Variants in MARCHF11 observed in about 807,000 individuals in gnomAD.
MARCHF11 encodes the protein membrane associated ring-CH-type finger 11, also known as E3 ubiquitin-protein ligase MARCHF11.
MARCHF11 carries 29 observed loss-of-function variants against 37.3 expected under a neutral mutation model. The observed-to-expected ratio is 0.78, with a 90% CI of 0.58 to 1.06. The LOEUF (loss-of-function observed/expected upper bound fraction) is 1.06. Among genes scored for constraint, MARCHF11 ranks in the 50% least tolerant of loss-of-function variants. MARCHF11 has a pLI of 0.00. For missense variants in MARCHF11, 482 were observed against 533.4 expected (o/e 0.90, Z 0.95); for synonymous variants, 233 against 228.0 (o/e 1.02, Z -0.20).
intron 2 of MARCHF11, among the ~76,000 whole-genome samples, chr5:16,139,056 G>A (rs560829794): frequency 1.2e-4 from 18 of 152,198 alleles, no homozygotes; most frequent in Non-Finnish European, 2.6e-4. Context: ...GGGCTGTTGG[G>A]AAGGAATGAA....
chr5:16,150,175 T>C (rs3910974), intron 2 of MARCHF11, among the ~76,000 whole-genome samples: 5,417 of 149,138 alleles, frequency 0.036, 961 homozygotes, highest in African/African-American at 0.13. Context: ...GGTCATTCCT[T>C]AATGAAAAAG....
At chr5:16,121,629 GTTC>G (rs1217133692) in intron 2 of MARCHF11, among the ~76,000 whole-genome samples, 1 of 152,176 alleles carries the variant, frequency 6.6e-6, no homozygotes, top group African/African-American at 2.4e-5. Flanking sequence ...ATAAATTCAA[GTTC>G]TTCTAATTAC....
Position 16,179,541 on chromosome 5 carries a change from C to CA in MARCHF11, c.34dup (p.Cys12LeufsTer112). Reference sequence around the variant, plus strand: ...GGCGTCCCCGCTCTCCGCCCCGCGACACCGACTGCCGCCGTGGCCGCCCTC... The same window carrying CA: ...GGCGTCCCCGCTCTCCGCCCCGCGACAACCGACTGCCGCCGTGGCCGCCCTC... On this transcript the variant is annotated frameshift_variant, in exon 1 of 4. Transcript: ENST00000332432. LOFTEE classifies it high-confidence loss of function. 1 of 1,184,734 alleles carries CA rather than the reference C, an allele frequency of 8.4e-7. No individual in the cohort carries two copies. The highest frequency in any genetic ancestry group is 1.0e-6 in the Non-Finnish European group (1 of 958,014). The allele number at this position is 1,184,734 out of a possible 1,614,324, so 73.4% of individuals were successfully genotyped here. A position where few individuals can be genotyped will look rare whatever the true frequency, so the allele number is the denominator to read the frequency against.
At chr5:16,119,180 T>C (rs895880893) in intron 2 of MARCHF11, among the ~76,000 whole-genome samples, 1 of 151,898 alleles carries the variant, frequency 6.6e-6, no homozygotes, top group African/African-American at 2.4e-5. Flanking sequence ...CTGGCCAACA[T>C]GGTGAAAACC....
chr5:16,153,257 C>CTT (rs1227971567), intron 2 of MARCHF11, among the ~76,000 whole-genome samples: 3 of 151,930 alleles, frequency 2.0e-5, no homozygotes, highest in African/African-American at 7.2e-5. Context: ...AGAGAAAAGG[C>CTT]TTTCCTAGAT....
At chr5:16,159,993 CA>C (rs1738043775) in intron 2 of MARCHF11, among the ~76,000 whole-genome samples, 1 of 151,738 alleles carries the variant, frequency 6.6e-6, no homozygotes, top group Non-Finnish European at 1.5e-5. Flanking sequence ...TTGCCCTAAG[CA>C]AAATAAAATA....
chr5:16,138,636 T>G (rs1234491912), intron 2 of MARCHF11, among the ~76,000 whole-genome samples: 1 of 152,136 alleles, frequency 6.6e-6, no homozygotes, highest in African/African-American at 2.4e-5. Context: ...TTGCATCACA[T>G]GCCTAGAAAA....
rs150052523 is a variant in MARCHF11 at position 16,158,926 on chromosome 5, T to C, written c.693+18800A>G. Among the ~76,000 whole-genome samples the C allele has an allele frequency of 5.4e-3, 816 of 151,982 alleles. 9 individuals are homozygous for C. Among genetic ancestry groups the C allele is most frequent in the African/African-American group, 0.019 (797 of 41,490 alleles). On this transcript the variant is annotated intron_variant, in intron 2 of 3. Transcript: ENST00000332432. The stretch of plus-strand genomic sequence containing the variant: ...GTGTCCATCCATGTGTTCTCAACAA[T>C]GTATTGCATTCTTGAAAATTGCTGA...
At chr5:16,095,264 G>C (rs1216921982) in intron 2 of MARCHF11, among the ~76,000 whole-genome samples, 1 of 152,130 alleles carries the variant, frequency 6.6e-6, no homozygotes, top group East Asian at 1.9e-4. Flanking sequence ...AATTCCCCGG[G>C]GTTCATTCCT....
At chr5:16,139,138 C>T (rs1330788786) in intron 2 of MARCHF11, among the ~76,000 whole-genome samples, 1 of 152,158 alleles carries the variant, frequency 6.6e-6, no homozygotes, top group African/African-American at 2.4e-5. Context: ...GCTATGTCCC[C>T]ACCCAAATCT....
At chr5:16,151,528 T>A (rs973436340) in intron 2 of MARCHF11, among the ~76,000 whole-genome samples, 12 of 149,976 alleles carry the variant, frequency 8.0e-5, no homozygotes, top group Admixed American at 1.3e-4. Context: ...TCCCACACTT[T>A]CAGGCTGATC....
intron 3 of MARCHF11, among the ~76,000 whole-genome samples, chr5:16,086,424 T>C (rs532571537): frequency 8.5e-5 from 13 of 152,322 alleles, no homozygotes; most frequent in Admixed American, 3.9e-4. Context: ...GTTTGTATAT[T>C]ATGTGGACAA....
At chr5:16,166,894 TGTGTG>T (rs1218717065) in intron 2 of MARCHF11, among the ~76,000 whole-genome samples, 1 of 450 alleles carries the variant, frequency 2.2e-3, no homozygotes, top group Non-Finnish European at 0.029. Flanking sequence ...CAACAGGATG[TGTGTG>T]TGTGTGTGTG....
intron 2 of MARCHF11, among the ~76,000 whole-genome samples, chr5:16,112,313 C>T (rs559258017): frequency 6.6e-6 from 1 of 152,286 alleles, no homozygotes; most frequent in Admixed American, 6.5e-5. Flanking sequence ...CTATACCCTG[C>T]AAAGCCACAG....
chr5:16,178,652 T>C lies in MARCHF11; in HGVS notation c.537+387A>G, dbSNP rs138874914. Reference sequence around the variant, plus strand: ...CTTTCTGGTTGTGATATGACATCTGTCTCAAGATACATCTGTAGAAAACGG... The same window carrying C: ...CTTTCTGGTTGTGATATGACATCTGCCTCAAGATACATCTGTAGAAAACGG... On this transcript the variant is annotated intron_variant, in intron 1 of 3. Coordinates refer to ENST00000332432, the MANE Select transcript of MARCHF11 (RefSeq NM_001102562.3). Among the ~76,000 whole-genome samples the C allele has an allele frequency of 6.6e-5, 10 of 152,322 alleles. No homozygotes were observed. In the East Asian group the frequency reaches 1.9e-3, roughly 29 times the overall value.
chr5:16,106,326 T>C (rs985235992), intron 2 of MARCHF11, among the ~76,000 whole-genome samples: 1 of 152,182 alleles, frequency 6.6e-6, no homozygotes, highest in Non-Finnish European at 1.5e-5. Context: ...GGCAATCTGA[T>C]AGCTCTATCT....
At chr5:16,152,574 T>C (rs527482021) in intron 2 of MARCHF11, among the ~76,000 whole-genome samples, 162 of 152,060 alleles carry the variant, frequency 1.1e-3, no homozygotes, top group African/African-American at 3.6e-3. Context: ...CAGACATCCA[T>C]TTCTTACCCT....
At chr5:16,160,476 G>A (rs1232226328) in intron 2 of MARCHF11, among the ~76,000 whole-genome samples, 9 of 148,776 alleles carry the variant, frequency 6.0e-5, no homozygotes, top group Non-Finnish European at 1.2e-4. Flanking sequence ...GCCACTAGAT[G>A]TTATAATTAT....
At chr5:16,091,602 A>G (rs1045836496) in intron 2 of MARCHF11, among the ~76,000 whole-genome samples, 1 of 152,248 alleles carries the variant, frequency 6.6e-6, no homozygotes, top group African/African-American at 2.4e-5. Flanking sequence ...ATCATAAGAG[A>G]AGTATAAAAT....
Sources: allele counts gnomAD v4.1 joint callset (sites outside exome capture counted in the v4.1 genomes callset), GRCh38; gene constraint gnomAD v4.1.1; transcripts MANE v1.5; gene names NCBI Gene and HGNC (gene_info 2026-07-23, HGNC 2026-07-21).